Variants in ZFYVE1 observed in about 807,000 individuals in gnomAD.
ZFYVE1 encodes zinc finger FYVE domain-containing protein 1.
A neutral mutation model predicts 74.4 loss-of-function variants in ZFYVE1; 30 were observed. That is an observed-to-expected ratio of 0.40 (90% CI 0.30 to 0.55). ZFYVE1 has a LOEUF of 0.55. Ranked by LOEUF, ZFYVE1 falls within the 20% of genes least tolerant of loss-of-function variation. The pLI, the probability that ZFYVE1 is intolerant of heterozygous loss-of-function variation, is 0.42. For missense variants in ZFYVE1, 703 were observed against 1,011.6 expected, an observed-to-expected ratio of 0.69 and a Z score of 4.14; for synonymous variants, 335 against 385.1, an observed-to-expected ratio of 0.87 and a Z score of 1.52.
intron 4 of ZFYVE1, among the ~76,000 whole-genome samples, chr14:72,988,393 T>C (rs182464789): frequency 3.3e-5 from 5 of 151,950 alleles, no homozygotes; most frequent in African/African-American, 9.6e-5. Context: ...CAGGCTGGTC[T>C]CGAACTCGTG....
intron 6 of ZFYVE1, 35 bp from the exon 7 acceptor site, chr14:72,978,269 G>T: frequency 6.2e-7 from 1 of 1,600,994 alleles, no homozygotes; most frequent in Non-Finnish European, 8.6e-7. Flanking sequence ...CTTATTGTTT[G>T]TTTTTTGTTT....
chr14:73,003,066 T>TTTC (rs1893908811), intron 2 of ZFYVE1, among the ~76,000 whole-genome samples: 1 of 144,288 alleles, frequency 6.9e-6, no homozygotes, highest in Non-Finnish European at 1.5e-5. Flanking sequence ...TTTTTTTTTT[T>TTTC]TTTTTTGAGA....
In ZFYVE1 at chr14:72,974,164, C is replaced by T. The variant is rs771114025; in HGVS notation, c.2017G>A (p.Gly673Ser). The T allele has an allele frequency of 1.2e-6, 2 of 1,614,144 alleles. No individual in the cohort carries two copies. The highest frequency in any genetic ancestry group is 2.2e-5 in the East Asian group (1 of 44,880). The change falls in exon 11 of 12, where the codon GGT (glycine) becomes AGT (serine). Residue 673 changes from glycine (G) to serine (S), a missense_variant. By Grantham distance (56) the Gly-to-Ser change is moderately conservative. Around this residue, in one of 2 missense-constraint regions of ZFYVE1, gnomAD observed 492 missense variants for 790.0 expected, o/e 0.62. Coordinates refer to ENST00000556143, the MANE Select transcript of ZFYVE1 (RefSeq NM_021260.4). The part of the protein sequence containing the change: ...AVTEAQVDDE[G>S]GTLIARKVGE... Reference sequence around the variant, plus strand: ...ACCTTCCGAGCAATGAGCGTTCCACCTTCATCGTCCACTTGTGCCTCGGTA... The same window carrying T: ...ACCTTCCGAGCAATGAGCGTTCCACTTTCATCGTCCACTTGTGCCTCGGTA...
intron 4 of ZFYVE1, among the ~76,000 whole-genome samples, chr14:72,983,117 T>A (rs1006721760): frequency 6.6e-6 from 1 of 152,128 alleles, no homozygotes; most frequent in Non-Finnish European, 1.5e-5. Context: ...AGTGCTGGGA[T>A]TACAGACGTA....
chr14:72,975,617 C>T lies in ZFYVE1; in HGVS notation c.1740G>A (p.Lys580=), dbSNP rs1326620629. ...GGTCTGTCAGCCAGGAAGTCACAGC[C>T]TTGGTGGGTCCAAGGCTAAGCTCGG... ...SVSELSLGPT[K]AVTSWLTDQI... The change falls in exon 9 of 12, where the codon AAG becomes AAA. Residue 580 remains lysine, a synonymous_variant. Transcript: ENST00000556143. This position sits in a 1 kb window ranked among gnomAD's most constrained non-coding sequence, Gnocchi z 4.1. 3 of 1,614,050 alleles carry T rather than the reference C, an allele frequency of 1.9e-6. No individual in the cohort carries two copies. Among genetic ancestry groups the T allele is most frequent in the Non-Finnish European group, 2.5e-6 (3 of 1,180,046 alleles).
Position 72,971,098 on chromosome 14 carries a change from C to G in ZFYVE1, c.2118G>C (p.Ala706=). ...IDIPLGLVKD[A]ARPAYWVPDH... ...CAGGCACCCAGTACGCAGGCCTGGC[C>G]GCGTCCTTTACCAGACCTAAGGCAG... Residue 706 remains alanine, a synonymous_variant, in exon 12 of 12, where the codon GCG becomes GCC. Coordinates refer to ENST00000556143, the MANE Select transcript of ZFYVE1 (RefSeq NM_021260.4). The G allele has an allele frequency of 6.2e-7, 1 of 1,614,108 alleles. No homozygotes were observed.
intron 2 of ZFYVE1, among the ~76,000 whole-genome samples, chr14:73,007,380 T>C (rs1443485989): frequency 6.6e-6 from 1 of 152,052 alleles, no homozygotes; most frequent in Non-Finnish European, 1.5e-5. Flanking sequence ...ACTACAATCA[T>C]ACATTACTCC....
chr14:72,989,249 T>C (rs1172685549), intron 4 of ZFYVE1, among the ~76,000 whole-genome samples: 1 of 152,186 alleles, frequency 6.6e-6, no homozygotes, highest in Non-Finnish European at 1.5e-5. Flanking sequence ...TCTATAAGCA[T>C]ATATAATAAA....
intron 4 of ZFYVE1, among the ~76,000 whole-genome samples, chr14:72,992,615 G>T (rs904061897): frequency 9.2e-6 from 1 of 109,082 alleles, no homozygotes; most frequent in African/African-American, 4.3e-5. Context: ...CCATTCAGGT[G>T]CCCCCCCCGC....
chr14:73,019,950 CAA>C (rs1007540047), intron 2 of ZFYVE1, among the ~76,000 whole-genome samples: 2 of 139,834 alleles, frequency 1.4e-5, no homozygotes, highest in African/African-American at 5.4e-5. Flanking sequence ...GACTCAGTCT[CAA>C]AAAAAAAGAA....
chr14:72,995,770 A>T (rs1008508141), intron 3 of ZFYVE1, among the ~76,000 whole-genome samples: 4 of 152,110 alleles, frequency 2.6e-5, no homozygotes, highest in African/African-American at 9.7e-5. Context: ...TGTCATTGGT[A>T]CCACCAGAAT....
chr14:73,000,900 G>A (rs1006681895), intron 2 of ZFYVE1, among the ~76,000 whole-genome samples: 2 of 152,184 alleles, frequency 1.3e-5, no homozygotes, highest in African/African-American at 4.8e-5. Flanking sequence ...TAAAAAGGAA[G>A]GAGCCACTTC....
chr14:73,011,619 A>G (rs1431627680), intron 2 of ZFYVE1, among the ~76,000 whole-genome samples: 2 of 151,594 alleles, frequency 1.3e-5, no homozygotes, highest in Non-Finnish European at 2.9e-5. Flanking sequence ...TCCCAGGTTC[A>G]AGCGATTCTA....
intron 1 of ZFYVE1, among the ~76,000 whole-genome samples, chr14:73,026,384 C>T (rs1195266342): frequency 1.3e-5 from 2 of 152,110 alleles, no homozygotes; most frequent in African/African-American, 2.4e-5. Context: ...AAAGCCCTGC[C>T]TTTCTGATAG....
chr14:73,025,995 G>C (rs1199165399), intron 1 of ZFYVE1, among the ~76,000 whole-genome samples: 1 of 152,074 alleles, frequency 6.6e-6, no homozygotes, highest in Non-Finnish European at 1.5e-5. Context: ...GGCCGACCTG[G>C]TTAGCCTTGT....
intron 4 of ZFYVE1, among the ~76,000 whole-genome samples, chr14:72,987,199 C>A (rs1893503695): frequency 6.6e-6 from 1 of 152,202 alleles, no homozygotes; most frequent in African/African-American, 2.4e-5. Context: ...TTTATAAATA[C>A]TTCATAAATG....
chr14:72,975,895 G>C lies in ZFYVE1; in HGVS notation c.1636-174C>G. On this transcript the variant is annotated intron_variant, in intron 8 of 11. Coordinates refer to ENST00000556143, the MANE Select transcript of ZFYVE1 (RefSeq NM_021260.4). The surrounding 1 kb of genome is among the most constrained non-coding windows in gnomAD (Gnocchi z 4.1). ...CCTCTGGCTTTATTCTCTTCAAAGT[G>C]ACCATAAGACTTGATGTGTAGCTGT... The C allele has an allele frequency of 2.9e-6, 2 of 691,926 alleles. No individual in the cohort carries two copies. Among genetic ancestry groups the C allele is most frequent in the Non-Finnish European group, 4.7e-6 (2 of 422,706 alleles). The allele number at this position is 691,926 out of a possible 1,614,324, so 42.9% of individuals were successfully genotyped here.
intron 2 of ZFYVE1, among the ~76,000 whole-genome samples, chr14:73,010,933 CAT>C (rs768588921): frequency 2.6e-4 from 40 of 151,662 alleles, no homozygotes; most frequent in East Asian, 3.9e-4. Flanking sequence ...AAGGATTTTA[CAT>C]ATGTTTTTCT....
chr14:73,025,693 CAAA>C (rs34131740), intron 1 of ZFYVE1, among the ~76,000 whole-genome samples: 56 of 76,216 alleles, frequency 7.3e-4, no homozygotes, highest in African/African-American at 2.5e-3. Context: ...AAGACTCCCT[CAAA>C]AAAAAAAAAA....
Sources: gnomAD v4.1 joint callset for allele counts (sites outside exome capture counted in the v4.1 genomes callset) on GRCh38, gnomAD v4.1.1 for gene constraint, gnomAD v4.1.1 regional missense constraint, Gnocchi (gnomAD v3.1) non-coding constraint, MANE v1.5 for transcripts, NCBI Gene and HGNC (gene_info 2026-07-23, HGNC 2026-07-21) for gene names.